Variants in URGCP observed in about 807,000 individuals in gnomAD.
URGCP encodes up-regulator of cell proliferation.
A neutral mutation model predicts 24.6 loss-of-function variants in URGCP; 13 were observed. That is an observed-to-expected ratio of 0.53 (90% CI 0.34 to 0.84). The LOEUF (loss-of-function observed/expected upper bound fraction) is 0.84. URGCP is among the 40% of genes least tolerant of loss of function. URGCP has a pLI of 0.01. For missense variants in URGCP, 899 were observed against 1,194.3 expected, an observed-to-expected ratio of 0.75 and a Z score of 3.64; for synonymous variants, 444 against 487.2, an observed-to-expected ratio of 0.91 and a Z score of 1.17.
intron 1 of URGCP, among the ~76,000 whole-genome samples, chr7:43,915,367 TA>T (rs1464235939): frequency 6.6e-6 from 1 of 152,226 alleles, no homozygotes; most frequent in Non-Finnish European, 1.5e-5. Context: ...CTTCTGAGGA[TA>T]GAGGAAACTG....
At chr7:43,918,262 C>CAAAA (rs757829729) in intron 1 of URGCP, among the ~76,000 whole-genome samples, 1 of 55,194 alleles carries the variant, frequency 1.8e-5, no homozygotes. Context: ...CAATAGACCT[C>CAAAA]AAAAAAAAAA....
At chr7:43,914,026 A>G (rs2095913026) in intron 1 of URGCP, among the ~76,000 whole-genome samples, 1 of 151,990 alleles carries the variant, frequency 6.6e-6, no homozygotes, top group Non-Finnish European at 1.5e-5. Flanking sequence ...TATAGAGACT[A>G]TCTTGCTCTG....
At chr7:43,895,315 TA>T (rs2095876690) in intron 1 of URGCP, among the ~76,000 whole-genome samples, 1 of 152,054 alleles carries the variant, frequency 6.6e-6, no homozygotes, top group South Asian at 2.1e-4. Context: ...TCAACATCCC[TA>T]ATCATCAAGG....
chr7:43,888,033 A>T, intron 1 of URGCP: 1 of 538,890 alleles, frequency 1.9e-6, no homozygotes, highest in South Asian at 2.4e-5. Flanking sequence ...GGGGAAAGTC[A>T]GGCTACAGAA....
chr7:43,923,847 A>G (rs896704848), intron 1 of URGCP, among the ~76,000 whole-genome samples: 3 of 151,932 alleles, frequency 2.0e-5, no homozygotes, highest in African/African-American at 7.3e-5. Context: ...AGTCAAATTT[A>G]TCCATTTAAA....
At chr7:43,911,804 T>C (rs1000427084) in intron 1 of URGCP, among the ~76,000 whole-genome samples, 5 of 152,196 alleles carry the variant, frequency 3.3e-5, no homozygotes, top group East Asian at 1.9e-4. Context: ...ATAGACCATA[T>C]GTTAGGTCAC....
Position 43,876,793 on chromosome 7 carries a change from T to C in URGCP, c.2670A>G (p.Ala890=). The change falls in exon 6 of 6, where the codon GCA becomes GCG. Residue 890 remains alanine (A), a synonymous_variant. Transcript: ENST00000453200. The stretch of plus-strand genomic sequence containing the variant: ...TGGCTTCACTGTAGGCCAAGCTCAC[T>C]GCGGCCATGGGAGGTGCTCCGTGCC... The part of the protein sequence containing the change: ...GLWHGAPPMA[A]VSLAYSEAIF... The C allele has an allele frequency of 1.2e-6, 2 of 1,614,222 alleles. No individual in the cohort carries two copies. The highest frequency in any genetic ancestry group is 8.5e-7 in the Non-Finnish European group (1 of 1,180,044).
At position 43,890,410 on chromosome 7, in the gene URGCP, G is replaced by A. The variant is rs931542020; in HGVS notation, c.15-2594C>T. On this transcript the variant is annotated intron_variant, in intron 1 of 5. Coordinates refer to ENST00000453200, the MANE Select transcript of URGCP (RefSeq NM_001077663.3). ...TTTTGTATTTTTTAGTAGAGACGGGGTTTCACCATGTTAGCCAGGATGGTC... is the reference window on the plus strand; with the variant it reads ...TTTTGTATTTTTTAGTAGAGACGGGATTTCACCATGTTAGCCAGGATGGTC... Among the ~76,000 whole-genome samples the A allele has an allele frequency of 4.7e-5, 7 of 149,324 alleles. No homozygotes were observed. In the Admixed American group the frequency reaches 4.7e-4, roughly 10 times the overall value.
intron 1 of URGCP, among the ~76,000 whole-genome samples, chr7:43,922,944 TTCTCTCTTTC>T (rs1031753930): frequency 6.6e-5 from 10 of 151,642 alleles, no homozygotes; most frequent in Non-Finnish European, 1.0e-4. Flanking sequence ...CTTTCTTTCC[TTCTCTCTTTC>T]TCTCTCTTTC....
chr7:43,924,446 T>C (rs548223739), intron 1 of URGCP, among the ~76,000 whole-genome samples: 1 of 152,324 alleles, frequency 6.6e-6, no homozygotes, highest in Non-Finnish European at 1.5e-5. Flanking sequence ...AACCACCATA[T>C]ACATTATTAG....
At chr7:43,909,230 TTAAA>T (rs914281211), upstream of URGCP, among the ~76,000 whole-genome samples, 1 of 152,154 alleles carries the variant, frequency 6.6e-6, no homozygotes, top group Non-Finnish European at 1.5e-5. Context: ...ATACATATAC[TTAAA>T]TACATAATAC....
intron 1 of URGCP, among the ~76,000 whole-genome samples, chr7:43,905,242 T>G (rs2251245): frequency 0.35 from 51,430 of 147,352 alleles, 9,049 homozygotes; most frequent in South Asian, 0.59. Flanking sequence ...CCACACAGGT[T>G]CAGCCACCCT....
In URGCP at chr7:43,917,463, C is replaced by T. The variant is rs374462966; in HGVS notation, c.-116+8669G>A. Among the ~76,000 whole-genome samples, 21 of 152,318 alleles carry T rather than the reference C, an allele frequency of 1.4e-4. No homozygotes were observed. The East Asian group carries it at 2.3e-3, about 17-fold the overall frequency. Reference sequence around the variant, plus strand: ...TGCTGCAGGCCTCCATCTGGTTTTACGTCCTTGGAAGCGTGACCTGTAACC... The same window carrying T: ...TGCTGCAGGCCTCCATCTGGTTTTATGTCCTTGGAAGCGTGACCTGTAACC... On this transcript the variant is annotated intron_variant, in intron 1 of 5. Coordinates refer to the URGCP transcript ENST00000426198.
At chr7:43,893,562 T>C (rs115837971) in intron 1 of URGCP, among the ~76,000 whole-genome samples, 5,101 of 152,052 alleles carry the variant, frequency 0.034, 261 homozygotes, top group African/African-American at 0.12. Flanking sequence ...TAAAGAGACA[T>C]ACAGACTGAA....
At chr7:43,903,835 T>A (rs909034948) in intron 1 of URGCP, among the ~76,000 whole-genome samples, 1 of 152,130 alleles carries the variant, frequency 6.6e-6, no homozygotes, top group Non-Finnish European at 1.5e-5. Context: ...CTAAAACAGA[T>A]GTGACCATGC....
intron 1 of URGCP, among the ~76,000 whole-genome samples, chr7:43,905,288 C>G (rs1352356559): frequency 6.6e-6 from 1 of 151,814 alleles, no homozygotes; most frequent in African/African-American, 2.4e-5. Context: ...CCACCCTTTC[C>G]TGACAAGGGG....
upstream of URGCP, chr7:43,906,633 G>A: frequency 8.6e-7 from 1 of 1,167,908 alleles, no homozygotes; most frequent in Non-Finnish European, 1.1e-6. Flanking sequence ...GCCGCGGCTC[G>A]GCGCCGGGGA....
At chr7:43,915,364 G>A (rs1346021129) in intron 1 of URGCP, among the ~76,000 whole-genome samples, 1 of 152,218 alleles carries the variant, frequency 6.6e-6, no homozygotes, top group African/African-American at 2.4e-5. Context: ...CTTCTTCTGA[G>A]GATAGAGGAA....
chr7:43,908,394 T>C (rs1771683183), upstream of URGCP, among the ~76,000 whole-genome samples: 2 of 152,182 alleles, frequency 1.3e-5, no homozygotes. Context: ...AGCATTCTTT[T>C]AAACATAAGG....
Sources: allele counts gnomAD v4.1 joint callset (sites outside exome capture counted in the v4.1 genomes callset), GRCh38; gene constraint gnomAD v4.1.1; transcripts MANE v1.5; gene names NCBI Gene and HGNC (gene_info 2026-07-23, HGNC 2026-07-21).